TTN: variants seen among roughly 807,000 people sequenced by gnomAD.
The protein encoded by TTN is connectin.
Under a neutral mutation model 3,223.0 loss-of-function variants are expected in TTN, and 1,525 were observed. That is an observed-to-expected ratio of 0.47 (90% CI 0.45 to 0.49). The LOEUF (loss-of-function observed/expected upper bound fraction) is 0.49. Ranked by LOEUF, TTN falls within the 20% of genes least tolerant of loss-of-function variation. The pLI is 0.00. For missense variants in TTN, 40,786 were observed against 43,424.0 expected, an observed-to-expected ratio of 0.94 and a Z score of 5.40; for synonymous variants, 14,094 against 15,161.0, an observed-to-expected ratio of 0.93 and a Z score of 5.17.
chr2:178,695,765 A>G (rs940697037), intron 114 of TTN, 100 bp downstream of exon 114: 2 of 967,756 alleles, frequency 2.1e-6, no homozygotes, highest in South Asian at 6.3e-5. Context: ...CATTTTAACT[A>G]TTTCACATAA....
Position 178,546,420 on chromosome 2 carries a change from A to T in TTN, c.94911T>A (p.Ala31637=). 1 of 1,613,788 alleles carries T rather than the reference A, an allele frequency of 6.2e-7. No individual in the cohort carries two copies. Among genetic ancestry groups the T allele is most frequent in the Non-Finnish European group, 8.5e-7 (1 of 1,179,762 alleles). ...TGGGTTCAGGTTTGCCACCAACTGCAGCATCCAGAACAAGATCAGAACCTG... is the reference window on the plus strand; with the variant it reads ...TGGGTTCAGGTTTGCCACCAACTGCTGCATCCAGAACAAGATCAGAACCTG... ...IRAGSDLVLD[A]AVGGKPEPKI... Residue 31637 remains alanine (A), a synonymous_variant, in exon 342 of 363, where the codon GCT becomes GCA. Coordinates refer to ENST00000589042, the MANE Select transcript of TTN (RefSeq NM_001267550.2).
chr2:178,613,094 G>C, intron 264 of TTN, 22 bp from the exon 265 acceptor site: 1 of 1,611,836 alleles, frequency 6.2e-7, no homozygotes, highest in Non-Finnish European at 8.5e-7. Context: ...TGAAATCATT[G>C]TTTAGGTTTG....
chr2:178,720,899 A>C, intron 79 of TTN, 22 bp downstream of exon 79: 3 of 1,548,234 alleles, frequency 1.9e-6, no homozygotes, highest in South Asian at 2.5e-5. Flanking sequence ...ATAAAGAAAC[A>C]AAGAAGCTTA....
rs1559288658 is a variant in TTN at position 178,560,570 on chromosome 2, T to C, written c.85562A>G (p.Tyr28521Cys). The C allele has an allele frequency of 2.5e-6, 4 of 1,613,350 alleles. No homozygotes were observed. The highest frequency in any genetic ancestry group is 4.5e-5 in the East Asian group (2 of 44,726). The change falls in exon 326 of 363, where the codon TAT becomes TGT. Residue 28521 changes from tyrosine (Y) to cysteine (C), a missense_variant. Physicochemically the swap from Tyr to Cys is radical, Grantham distance 194 (BLOSUM62 -2). Coordinates refer to ENST00000589042, the MANE Select transcript of TTN (RefSeq NM_001267550.2). ...ATTAACACCAGTTACTCTAAATATA[T>C]ATTCATTGCCTTTGAGTAACTTGGT... The part of the protein sequence containing the change: ...KVTKLLKGNE[Y>C]IFRVTGVNKY...
At position 178,635,253 on chromosome 2, in the gene TTN, T is replaced by C. The variant is rs1559980687; in HGVS notation, c.41936A>G (p.Lys13979Arg). 6.2e-7 allele frequency: 1 copy of C among 1,613,346 alleles called. No homozygotes were observed. Among genetic ancestry groups the C allele is most frequent in the East Asian group, 2.2e-5 (1 of 44,740 alleles). ...TTCTGCATCAAAGCTTGCACTTTCT[T>C]TCTCATAAATGGTAACGTCCTCTAT... ...KPIEDVTIYE[K>R]ESASFDAEIS... The change falls in exon 228 of 363, where the codon AAA (lysine) becomes AGA (arginine). Residue 13979 changes from lysine (K) to arginine (R), a missense_variant. Coordinates refer to ENST00000589042, the MANE Select transcript of TTN (RefSeq NM_001267550.2).
At chr2:178,711,447 TA>T in intron 96 of TTN, 98 bp from the exon 97 acceptor site, 1 of 1,250,398 alleles carries the variant, frequency 8.0e-7, no homozygotes, top group Non-Finnish European at 1.1e-6. Context: ...CAATTTCTAT[TA>T]AAAATCAGGA....
chr2:178,696,807 C>T (rs1327023140), intron 113 of TTN, among the ~76,000 whole-genome samples: 2 of 152,000 alleles, frequency 1.3e-5, no homozygotes, highest in Non-Finnish European at 2.9e-5. Context: ...TTCTTAAGGG[C>T]TCTCATTATT....
intron 131 of TTN, 87 bp downstream of exon 131, chr2:178,684,579 T>A: frequency 1.4e-6 from 2 of 1,444,306 alleles, no homozygotes; most frequent in South Asian, 1.3e-5. Flanking sequence ...CACCAACATA[T>A]AAACAGTATG....
rs1453489022 is a variant in TTN at position 178,531,506 on chromosome 2, T to C, written c.105109A>G (p.Thr35037Ala). 1 of 1,613,770 alleles carries C rather than the reference T, an allele frequency of 6.2e-7. No individual in the cohort carries two copies. The highest frequency in any genetic ancestry group is 1.7e-5 in the Admixed American group (1 of 59,994). Residue 35037 changes from threonine (T) to alanine (A), a missense_variant, in exon 358 of 363, where the codon ACC becomes GCC. Coordinates refer to ENST00000589042, the MANE Select transcript of TTN (RefSeq NM_001267550.2). ...ATLDVTGGDY[T>A]TYASQRRDEE... ...TCTCTGCGTTGGGAAGCATAGGTGGTATAATCCCCTCCTGTCACGTCCAAC... is the reference window on the plus strand; with the variant it reads ...TCTCTGCGTTGGGAAGCATAGGTGGCATAATCCCCTCCTGTCACGTCCAAC...
At chr2:178,612,021 T>TGTAA (rs1576426469) in intron 267 of TTN, 36 bp downstream of exon 267, 4 of 1,602,660 alleles carry the variant, frequency 2.5e-6, no homozygotes, top group Non-Finnish European at 3.4e-6. Flanking sequence ...TGCAGCCAAG[T>TGTAA]GTAAGTTATT....
rs768005369 is a variant in TTN at position 178,527,208 on chromosome 2, T to TTCA, written c.107779_107780insTGA (p.Glu35927delinsValLys). ...TCTTCCACCACAGGACCATGTTACT[T>TTCA]CTGGGGTAGGCTCACCCGTGAAAGC... On this transcript the variant is annotated protein_altering_variant, in exon 363 of 363. Coordinates refer to ENST00000589042, the MANE Select transcript of TTN (RefSeq NM_001267550.2). The TTCA allele has an allele frequency of 1.7e-5, 28 of 1,613,848 alleles. No homozygotes were observed.
chr2:178,625,560 TC>T (rs1430135216), intron 240 of TTN, among the ~76,000 whole-genome samples, 164 bp from the exon 241 acceptor site: 1 of 151,990 alleles, frequency 6.6e-6, no homozygotes, highest in Non-Finnish European at 1.5e-5. Flanking sequence ...TAGTTTGGGA[TC>T]TTTTTTTTAA....
rs757569345 is a variant in TTN at position 178,782,990 on chromosome 2, C to T, written c.2916G>A (p.Pro972=). The change falls in exon 18 of 363, where the codon CCG becomes CCA. Residue 972 remains proline (P), a synonymous_variant. Coordinates refer to ENST00000589042, the MANE Select transcript of TTN (RefSeq NM_001267550.2). ...LECHISGYPS[P]TVTWYREDYQ... ...AGTCTTCCCTGTACCATGTCACTGT[C>T]GGGGATGGGTATCCAGAGATGTGGC... 126 of 1,614,106 alleles carry T rather than the reference C, an allele frequency of 7.8e-5. 1 individual carries two copies. Among genetic ancestry groups the T allele is most frequent in the South Asian group, 7.0e-4 (64 of 91,076 alleles).
Position 178,650,775 on chromosome 2 carries a change from T to C in TTN, c.39685A>G (p.Arg13229Gly). The change falls in exon 209 of 363, where the codon AGA becomes GGA. Residue 13229 changes from arginine to glycine, a missense_variant. Coordinates refer to ENST00000589042, the MANE Select transcript of TTN (RefSeq NM_001267550.2). ...CCTTCTGGGGGAGGAGACTCCGCTC[T>C]TTCTGGAACAGGAACAGCTGGTTTC... ...EEKPAVPVPE[R>G]AESPPPEVYE... is the part of the protein sequence containing the mutation. The C allele has an allele frequency of 6.2e-7, 1 of 1,607,524 alleles. No individual in the cohort carries two copies. Among genetic ancestry groups the C allele is most frequent in the Admixed American group, 1.7e-5 (1 of 59,354 alleles).
chr2:178,575,475 A>C lies in TTN; in HGVS notation c.70657T>G (p.Trp23553Gly). 1 of 1,613,676 alleles carries C rather than the reference A, an allele frequency of 6.2e-7. No homozygotes were observed. Among genetic ancestry groups the C allele is most frequent in the Non-Finnish European group, 8.5e-7 (1 of 1,179,676 alleles). Residue 23553 changes from tryptophan to glycine, a missense_variant, in exon 326 of 363, where the codon TGG (tryptophan) becomes GGG (glycine). Physicochemically the swap from Trp to Gly is radical, Grantham distance 184 (BLOSUM62 -2). Coordinates refer to ENST00000589042, the MANE Select transcript of TTN (RefSeq NM_001267550.2). This position sits in a 1 kb window ranked among gnomAD's most constrained non-coding sequence, Gnocchi z 4.0. ...DITKSTVSLA[W>G]PKPKHDGGSK... ...CCACCATCGTGTTTGGGCTTAGGCC[A>C]TGCCAGGCTGACGGTGCTCTTAGTT...
At chr2:178,660,484 G>C (rs1447137073) in intron 180 of TTN, among the ~76,000 whole-genome samples, 1 of 127,168 alleles carries the variant, frequency 7.9e-6, no homozygotes, top group African/African-American at 3.0e-5. Context: ...TATGTAGAAA[G>C]CTGAAATTGG....
In TTN at chr2:178,561,239, C is replaced by A. The variant is rs187270666; in HGVS notation, c.84893G>T (p.Arg28298Leu). 2 of 1,613,526 alleles carry A rather than the reference C, an allele frequency of 1.2e-6. No individual in the cohort carries two copies. The highest frequency in any genetic ancestry group is 1.7e-6 in the Non-Finnish European group (2 of 1,179,808). ...IVERRELPDG[R>L]WLKCNYTNIQ... The stretch of plus-strand genomic sequence containing the variant: ...ATTAGTATAATTGCACTTCAGCCAC[C>A]GGCCATCTGGTAGTTCTCTGCGTTC... Residue 28298 changes from arginine to leucine, a missense_variant, in exon 326 of 363, where the codon CGG (arginine) becomes CTG (leucine). Coordinates refer to ENST00000589042, the MANE Select transcript of TTN (RefSeq NM_001267550.2).
rs748236500 is a variant in TTN, at chr2:178,573,837, C to A, written c.72295G>T (p.Ala24099Ser). 5.6e-6 allele frequency: 9 copies of A among 1,611,522 alleles called. No homozygotes were observed. The Admixed American group carries it at 1.3e-4, about 24-fold the overall frequency. ...GGATTAGTCGCTGTAAGGGTATAGG[C>A]ACCACTATCCCTTCTTGTTGAATCT... ...NKDSTRRDSG[A>S]YTLTATNPGG... The change falls in exon 326 of 363, where the codon GCC becomes TCC. Residue 24099 changes from alanine to serine, a missense_variant. By Grantham distance (99) the Ala-to-Ser change is moderately conservative (BLOSUM62 1). Transcript: ENST00000589042.
intron 6 of TTN, 57 bp from the exon 7 acceptor site, chr2:178,795,309 T>C: frequency 6.5e-7 from 1 of 1,541,552 alleles, no homozygotes; most frequent in South Asian, 1.1e-5. Flanking sequence ...TAACTGGATG[T>C]GAATCATGAG....
Sources: allele counts gnomAD v4.1 joint callset (sites outside exome capture counted in the v4.1 genomes callset), GRCh38; gene constraint gnomAD v4.1.1; non-coding constraint Gnocchi (gnomAD v3.1); transcripts MANE v1.5; gene names NCBI Gene and HGNC (gene_info 2026-07-23, HGNC 2026-07-21).